The following TFB1M variants were observed in gnomAD, a reference collection of about 807,000 sequenced individuals.
The protein encoded by TFB1M is dimethyladenosine transferase 1, mitochondrial.
TFB1M carries 27 observed loss-of-function variants against 31.1 expected under a neutral mutation model. The ratio of observed to expected loss-of-function variants is 0.87; its 90% CI spans 0.64 to 1.20. The LOEUF (loss-of-function observed/expected upper bound fraction) is 1.20. TFB1M is among the 50% of genes most tolerant of loss of function. The pLI is 0.00. For missense variants in TFB1M, 394 were observed against 418.7 expected (o/e 0.94, Z 0.51); for synonymous variants, 166 against 151.8 (o/e 1.09, Z -0.69).
intron 4 of TFB1M, among the ~76,000 whole-genome samples, chr6:155,286,367 CA>C (rs1776625418): frequency 6.6e-6 from 1 of 151,614 alleles, no homozygotes; most frequent in Non-Finnish European, 1.5e-5. Context: ...GACAGACAGA[CA>C]GACACACACA....
chr6:155,289,964 G>A (rs920595978), intron 4 of TFB1M, among the ~76,000 whole-genome samples: 14 of 152,172 alleles, frequency 9.2e-5, no homozygotes, highest in Non-Finnish European at 8.8e-5. Context: ...CTTCTGCCAT[G>A]ATTATAAGTT....
At chr6:155,243,968 G>A in the TFB1M span, 7 of 1,575,024 alleles carry the variant, frequency 4.4e-6, no homozygotes, top group Non-Finnish European at 6.1e-6. Flanking sequence ...TGGGTATTTT[G>A]GAGACTAAAG....
the TFB1M span, chr6:155,240,812 T>C: frequency 1.6e-6 from 2 of 1,234,220 alleles, no homozygotes; most frequent in South Asian, 3.0e-5. Context: ...CACCTGCCAC[T>C]CCCCAGGGGG....
chr6:155,290,730 A>G (rs944429855), intron 4 of TFB1M, among the ~76,000 whole-genome samples: 8 of 152,206 alleles, frequency 5.3e-5, no homozygotes, highest in African/African-American at 1.9e-4. Context: ...CAAATAGAGT[A>G]CATAGTATTT....
intron 5 of TFB1M, among the ~76,000 whole-genome samples, chr6:155,281,721 C>CA (rs1217317032): frequency 0.015 from 944 of 63,044 alleles, 53 homozygotes; most frequent in East Asian, 0.026. Flanking sequence ...GACTCTGTCT[C>CA]AAAAAAAAAA....
At chr6:155,244,753 T>TA in the TFB1M span, 1 of 1,613,842 alleles carries the variant, frequency 6.2e-7, no homozygotes, top group Non-Finnish European at 8.5e-7. Context: ...CATCTGACTT[T>TA]AACACCCTAG....
At chr6:155,245,576 C>T in the TFB1M span, 10 of 1,465,160 alleles carry the variant, frequency 6.8e-6, no homozygotes, top group Middle Eastern at 8.6e-4. Context: ...AGCCAGCACG[C>T]ATTGATTAAA....
At position 155,260,379 on chromosome 6, in the gene TFB1M, A is replaced by G; in HGVS notation, c.688T>C (p.Phe230Leu). Residue 230 changes from phenylalanine (F) to leucine (L), a missense_variant, in exon 6 of 7, where the codon TTC (phenylalanine) becomes CTC (leucine). Transcript: ENST00000367166. Reference sequence around the variant, plus strand: ...ATCTTGGGCTGTATCAAGGGAGTGAAGTGCACCACGCCCACGTCCACCTTC... The same window carrying G: ...ATCTTGGGCTGTATCAAGGGAGTGAGGTGCACCACGCCCACGTCCACCTTC... ...KPEVDVGVVH[F>L]TPLIQPKIEQ... The G allele has an allele frequency of 6.2e-7, 1 of 1,614,222 alleles. No homozygotes were observed. The highest frequency in any genetic ancestry group is 8.5e-7 in the Non-Finnish European group (1 of 1,180,036).
At chr6:155,290,451 T>C (rs900184123) in intron 4 of TFB1M, among the ~76,000 whole-genome samples, 3 of 150,316 alleles carry the variant, frequency 2.0e-5, no homozygotes, top group African/African-American at 7.3e-5. Context: ...ATTCTCCCAC[T>C]GAAACTTTCA....
At chr6:155,284,499 A>G (rs1277248229) in intron 5 of TFB1M, among the ~76,000 whole-genome samples, 2 of 152,190 alleles carry the variant, frequency 1.3e-5, no homozygotes, top group Admixed American at 6.5e-5. Flanking sequence ...CAAACAGTAA[A>G]TGCTCAATAT....
downstream of TFB1M, chr6:155,254,529 G>A (rs1783881007): frequency 1.9e-6 from 3 of 1,613,984 alleles, no homozygotes; most frequent in Non-Finnish European, 2.5e-6. Context: ...TGTAAGGATC[G>A]CCTGGTACCT....
At chr6:155,248,044 C>G in the TFB1M span, 1 of 1,614,164 alleles carries the variant, frequency 6.2e-7, no homozygotes, top group Non-Finnish European at 8.5e-7. Context: ...CGCCCGGAAC[C>G]CCACCAAGCA....
At chr6:155,290,966 A>C (rs1776895367) in intron 4 of TFB1M, among the ~76,000 whole-genome samples, 1 of 152,340 alleles carries the variant, frequency 6.6e-6, no homozygotes, top group African/African-American at 2.4e-5. Context: ...TAGGTAGCTC[A>C]AGATGGGGCT....
At chr6:155,265,714 TTTATATATAATATAAATATATA>T (rs1554251532) in intron 5 of TFB1M, among the ~76,000 whole-genome samples, 1 of 145,682 alleles carries the variant, frequency 6.9e-6, no homozygotes, top group South Asian at 2.1e-4. Context: ...ATTAAATATA[TTTATATATAATATAAATATATA>T]TTATATATAA....
intron 2 of TFB1M, among the ~76,000 whole-genome samples, chr6:155,305,203 T>A (rs1173866435): frequency 5.0e-5 from 3 of 60,082 alleles, no homozygotes; most frequent in African/African-American, 2.3e-4. Context: ...TATTTATATA[T>A]ATATTAAATT....
chr6:155,276,784 G>A (rs1042252323), intron 5 of TFB1M, among the ~76,000 whole-genome samples: 1 of 152,150 alleles, frequency 6.6e-6, no homozygotes, highest in Non-Finnish European at 1.5e-5. Context: ...TATCTGGTTG[G>A]CAACAACACA....
chr6:155,250,425 C>A, the TFB1M span: 11,057 of 779,982 alleles, frequency 0.014, 160 homozygotes, highest in Non-Finnish European at 0.015. Context: ...TTGTGCTTCT[C>A]AAGCCAGCAT....
intron 2 of TFB1M, among the ~76,000 whole-genome samples, chr6:155,302,908 C>T (rs545316239): frequency 2.6e-5 from 4 of 152,190 alleles, no homozygotes; most frequent in Admixed American, 1.3e-4. Context: ...GAAGTAAACA[C>T]GTCCTTCTTC....
chr6:155,265,727 T>G (rs982462288), intron 5 of TFB1M, among the ~76,000 whole-genome samples: 1 of 145,684 alleles, frequency 6.9e-6, no homozygotes, highest in Non-Finnish European at 1.5e-5. Context: ...ATATATAATA[T>G]AAATATATAT....
Sources: gnomAD v4.1 joint callset for allele counts (sites outside exome capture counted in the v4.1 genomes callset) on GRCh38, gnomAD v4.1.1 for gene constraint, MANE v1.5 for transcripts, NCBI Gene and HGNC (gene_info 2026-07-23, HGNC 2026-07-21) for gene names.